SDK2: variants seen among roughly 807,000 people sequenced by gnomAD.
The protein encoded by SDK2 is sidekick cell adhesion molecule 2.
A neutral mutation model predicts 253.9 loss-of-function variants in SDK2; 105 were observed. The ratio of observed to expected loss-of-function variants is 0.41; its 90% CI spans 0.35 to 0.49. The LOEUF is 0.49. SDK2 is among the 20% of genes least tolerant of loss of function. SDK2 has a pLI of 0.06. For synonymous variants in SDK2, 1,249 were observed against 1,234.9 expected (o/e 1.01, Z -0.24); for missense variants, 2,608 against 3,003.0 (o/e 0.87, Z 3.07).
rs373540507 is a variant in SDK2 at position 73,393,666 on chromosome 17, G to A, written c.3792C>T (p.Thr1264=). The stretch of plus-strand genomic sequence containing the variant: ...CATAGAGCACGTATTTGCCCAAGCC[G>A]GTGAGCTGGGCACTGCGAGACGAGT... ...EGNSSRSAQL[T]GLGKYVLYEV... is the part of the protein sequence containing the mutation. The change falls in exon 27 of 45, where the codon ACC becomes ACT. Residue 1264 remains threonine, a synonymous_variant. Transcript: ENST00000392650. 67 of 1,600,386 alleles carry A rather than the reference G, an allele frequency of 4.2e-5. No individual in the cohort carries two copies. Among genetic ancestry groups the A allele is most frequent in the East Asian group, 1.4e-4 (6 of 44,444 alleles).
intron 1 of SDK2, among the ~76,000 whole-genome samples, chr17:73,597,509 G>T (rs572836930): frequency 6.6e-6 from 1 of 152,302 alleles, no homozygotes; most frequent in East Asian, 1.9e-4. Flanking sequence ...ACAATCAACA[G>T]AACTATGGAC....
At position 73,394,322 on chromosome 17, in the gene SDK2, G is replaced by A. The variant is rs1465452863; in HGVS notation, c.3595C>T (p.Pro1199Ser). The A allele has an allele frequency of 1.3e-6, 2 of 1,572,390 alleles. No homozygotes were observed. Among genetic ancestry groups the A allele is most frequent in the South Asian group, 1.2e-5 (1 of 84,806 alleles). ...TVVGRTRESV[P>S]SSGPTNVSAL... ...GACACATTGGTGGGGCCGGAAGAGG[G>A]AACTGTGGGGGAAAGGGAGTGGAGA... is the stretch of plus-strand genomic sequence containing the variant. The change falls in exon 26 of 45, where the codon CCC becomes TCC. Residue 1199 changes from proline to serine, a missense_variant and splice_region_variant. Around this residue, in one of 2 missense-constraint regions of SDK2, gnomAD observed 1,505 missense variants for 1,859.1 expected, o/e 0.81. Transcript: ENST00000392650.
chr17:73,601,887 G>A (rs1421275118), intron 1 of SDK2, among the ~76,000 whole-genome samples: 2 of 152,120 alleles, frequency 1.3e-5, no homozygotes, highest in East Asian at 3.9e-4. Context: ...GGGATTACAG[G>A]CACCCAGCAC....
At chr17:73,619,150 G>C (rs929399478) in intron 1 of SDK2, among the ~76,000 whole-genome samples, 1 of 147,040 alleles carries the variant, frequency 6.8e-6, no homozygotes, top group African/African-American at 2.5e-5. Context: ...CTGGGCAACA[G>C]AGCGAGACCC....
Position 73,350,665 on chromosome 17 carries a change from T to C in SDK2, c.5884A>G (p.Lys1962Glu), listed in dbSNP as rs1470404702. 1 of 1,611,882 alleles carries C rather than the reference T, an allele frequency of 6.2e-7. No individual in the cohort carries two copies. Among genetic ancestry groups the C allele is most frequent in the East Asian group, 2.2e-5 (1 of 44,848 alleles). ...IIRGQSKKYAKKTDSGNSAKS... is the reference protein window; with the variant it reads ...IIRGQSKKYAEKTDSGNSAKS... ...GCTCACTCACCCGAGTCTGTCTTCT[T>C]GGCGTACTTCTTGCTCTGGCCCCGG... Residue 1962 changes from lysine (K) to glutamate (E), a missense_variant, in exon 42 of 45, where the codon AAG becomes GAG. By Grantham distance (56) the Lys-to-Glu change is moderately conservative (BLOSUM62 1). Around this residue, in one of 2 missense-constraint regions of SDK2, gnomAD observed 1,103 missense variants for 1,143.9 expected, o/e 0.96. Transcript: ENST00000392650.
chr17:73,625,306 G>C (rs2046187723), intron 1 of SDK2, among the ~76,000 whole-genome samples: 1 of 152,236 alleles, frequency 6.6e-6, no homozygotes, highest in African/African-American at 2.4e-5. Flanking sequence ...AAGTTTCTAG[G>C]CCTGCTCACC....
At chr17:73,472,789 G>T (rs1472246195) in intron 2 of SDK2, among the ~76,000 whole-genome samples, 1 of 152,160 alleles carries the variant, frequency 6.6e-6, no homozygotes, top group Admixed American at 6.5e-5. Context: ...ATTGAATCAT[G>T]GGAGTGGGTC....
chr17:73,519,212 C>G (rs2064056271), intron 1 of SDK2: 1 of 152,266 alleles, frequency 6.6e-6, no homozygotes, highest in Non-Finnish European at 1.5e-5. Flanking sequence ...GGACCAGCAC[C>G]CCAGAGCTCT....
chr17:73,637,645 G>C (rs1024197901), intron 1 of SDK2, among the ~76,000 whole-genome samples: 2 of 152,236 alleles, frequency 1.3e-5, no homozygotes, highest in Non-Finnish European at 2.9e-5. Context: ...AAAGTGCTGG[G>C]ATTACAGGCA....
At chr17:73,426,069 G>C (rs765952245) in intron 12 of SDK2, among the ~76,000 whole-genome samples, 4 of 151,654 alleles carry the variant, frequency 2.6e-5, no homozygotes, top group Non-Finnish European at 4.4e-5. Flanking sequence ...TTTTGAGACA[G>C]AATCTCACTC....
chr17:73,515,473 C>T (rs1190299376), intron 1 of SDK2, among the ~76,000 whole-genome samples: 1 of 152,158 alleles, frequency 6.6e-6, no homozygotes. Flanking sequence ...ATGAGTCCTG[C>T]GAATTAGCTA....
rs62063640 is a variant in SDK2 at position 73,639,713 on chromosome 17, G to A, written c.64+4312C>T. ...TGCCTCCCAGAGGGGCTGGGAGTCC[G>A]TAGGGACAGGGAGAGGGTTCCAGCC... On this transcript the variant is annotated intron_variant, in intron 1 of 44. Coordinates refer to ENST00000392650, the MANE Select transcript of SDK2 (RefSeq NM_001144952.2). The surrounding 1 kb of genome is among the most constrained non-coding windows in gnomAD (Gnocchi z 4.3). Among the ~76,000 whole-genome samples the A allele has an allele frequency of 0.062, 9,389 of 152,192 alleles. 330 individuals are homozygous for A. The highest frequency in any genetic ancestry group is 0.12 in the Admixed American group (1,778 of 15,304).
At chr17:73,339,222 T>G (rs9904634) in intron 44 of SDK2, among the ~76,000 whole-genome samples, 4,075 of 117,140 alleles carry the variant, frequency 0.035, 244 homozygotes, top group Non-Finnish European at 0.04. Context: ...AGTTTTTTTT[T>G]GTTTTTGTTT....
chr17:73,411,678 C>T (rs1366801169), intron 18 of SDK2, among the ~76,000 whole-genome samples: 1 of 152,088 alleles, frequency 6.6e-6, no homozygotes, highest in Admixed American at 6.6e-5. Flanking sequence ...CACGAGAGAA[C>T]CGGGCCTGGG....
intron 3 of SDK2, among the ~76,000 whole-genome samples, chr17:73,458,091 G>A (rs2063540343): frequency 6.6e-6 from 1 of 152,110 alleles, no homozygotes; most frequent in Non-Finnish European, 1.5e-5. Context: ...CAATCCTTCC[G>A]CCTCAGCCTC....
At chr17:73,494,644 A>G (rs11077685) in intron 2 of SDK2, among the ~76,000 whole-genome samples, 63,328 of 152,102 alleles carry the variant, frequency 0.42, 13,439 homozygotes, top group East Asian at 0.5. Flanking sequence ...CTCAAGGCAC[A>G]AGGAGCCAGC....
intron 1 of SDK2, among the ~76,000 whole-genome samples, chr17:73,593,003 T>C (rs997367533): frequency 4.7e-5 from 7 of 149,306 alleles, no homozygotes; most frequent in East Asian, 2.0e-4. Flanking sequence ...GGACGTACAC[T>C]TGGAGTTCAG....
chr17:73,580,363 T>C (rs2045517945), intron 1 of SDK2, among the ~76,000 whole-genome samples: 1 of 152,262 alleles, frequency 6.6e-6, no homozygotes, highest in Non-Finnish European at 1.5e-5. Flanking sequence ...CCAAAATCTG[T>C]TATAACCACT....
intron 3 of SDK2, among the ~76,000 whole-genome samples, chr17:73,466,079 G>A (rs2063594930): frequency 6.6e-6 from 1 of 152,150 alleles, no homozygotes; most frequent in African/African-American, 2.4e-5. Context: ...ACCCACTCTT[G>A]GGGTCATGCA....
Sources: allele counts gnomAD v4.1 joint callset (sites outside exome capture counted in the v4.1 genomes callset), GRCh38; gene constraint gnomAD v4.1.1; regional missense constraint gnomAD v4.1.1; non-coding constraint Gnocchi (gnomAD v3.1); transcripts MANE v1.5; gene names NCBI Gene and HGNC (gene_info 2026-07-23, HGNC 2026-07-21).